AKAP13: variants seen among roughly 807,000 people sequenced by gnomAD.
The protein encoded by AKAP13 is A-kinase anchor protein 13.
AKAP13 carries 80 observed loss-of-function variants against 264.5 expected under a neutral mutation model. That is an observed-to-expected ratio of 0.30 (90% CI 0.25 to 0.36). The LOEUF (loss-of-function observed/expected upper bound fraction) is 0.36, where lower values mean the gene tolerates loss of function less well. AKAP13 is among the 10% of genes least tolerant of loss of function. The probability of loss-of-function intolerance (pLI) is 1.00; values close to 1 mark genes in which losing one functional copy is unlikely to be tolerated. For synonymous variants in AKAP13, 1,380 were observed against 1,250.2 expected (o/e 1.10, Z -2.19); for missense variants, 3,712 against 3,435.2 (o/e 1.08, Z -2.01).
At chr15:85,424,918 G>C (rs1263490116) in intron 1 of AKAP13, among the ~76,000 whole-genome samples, 2 of 152,230 alleles carry the variant, frequency 1.3e-5, no homozygotes, top group Non-Finnish European at 2.9e-5. Context: ...CAGCAAGTTG[G>C]TGGAGCAGTT....
chr15:85,635,297 C>T (rs1323147673), intron 8 of AKAP13, among the ~76,000 whole-genome samples: 1 of 152,138 alleles, frequency 6.6e-6, no homozygotes, highest in Non-Finnish European at 1.5e-5. Context: ...TTTTAATTTA[C>T]ATTTTCCTGT....
intron 4 of AKAP13, among the ~76,000 whole-genome samples, chr15:85,540,999 A>G (rs2077565411): frequency 6.6e-6 from 1 of 152,236 alleles, no homozygotes; most frequent in South Asian, 2.1e-4. Flanking sequence ...AATGTAGGTG[A>G]AAAATTCAGA....
chr15:85,555,706 G>A (rs894208720), intron 5 of AKAP13, among the ~76,000 whole-genome samples: 1 of 152,114 alleles, frequency 6.6e-6, no homozygotes, highest in Non-Finnish European at 1.5e-5. Context: ...GTTTTCTTGC[G>A]CATGCTAGGC....
Position 85,446,710 on chromosome 15 carries a change from C to CT in AKAP13, c.-11-38982dup, listed in dbSNP as rs67306030. Among the ~76,000 whole-genome samples, 596 of 124,396 alleles carry CT rather than the reference C, an allele frequency of 4.8e-3. 2 individuals are homozygous for CT. The highest frequency in any genetic ancestry group is 0.012 in the Middle Eastern group (3 of 258). 81.6% of individuals were successfully genotyped at this position (124,396 alleles called of 152,430 possible). On this transcript the variant is annotated intron_variant, in intron 1 of 36. Coordinates refer to ENST00000394518, the MANE Select transcript of AKAP13 (RefSeq NM_007200.5). ...TTGCCCAGCCCTTCTTTTTCTTTTT[C>CT]TTTTTTTTTTTTTTTTTTGAGACAG...
rs1299870382 is a variant in AKAP13 at position 85,661,406 on chromosome 15, T to C, written c.4799+2816T>C. Among the ~76,000 whole-genome samples the C allele has an allele frequency of 2.0e-5, 3 of 152,166 alleles. No individual in the cohort carries two copies. In the South Asian group the frequency reaches 6.2e-4, roughly 31 times the overall value. ...AAGATACATTTCTAACTCAGTGCCA[T>C]AGAATTCCTTTTTTTTAAATTTTTA... On this transcript the variant is annotated intron_variant, in intron 12 of 36. Transcript: ENST00000394518.
intron 1 of AKAP13, among the ~76,000 whole-genome samples, chr15:85,443,499 A>T (rs1010974332): frequency 1.3e-5 from 2 of 152,138 alleles, no homozygotes; most frequent in Non-Finnish European, 2.9e-5. Flanking sequence ...GTGTATCAGC[A>T]TTCCTTATTA....
rs545663094 is a variant in AKAP13, at chr15:85,717,973, C to A, written c.5849-34C>A. ...ATAGGCTTATTTTACAGGTCACAAA[C>A]CTGATTCTGATATTGATTTTTTGAT... On this transcript the variant is annotated intron_variant, in intron 21 of 36. Transcript: ENST00000394518. 40 of 1,604,952 alleles carry A rather than the reference C, an allele frequency of 2.5e-5. No individual in the cohort carries two copies. In the Admixed American group the frequency reaches 6.2e-4, roughly 25 times the overall value.
intron 11 of AKAP13, among the ~76,000 whole-genome samples, chr15:85,656,421 G>A (rs1345937130): frequency 6.6e-6 from 1 of 152,148 alleles, no homozygotes; most frequent in Non-Finnish European, 1.5e-5. Flanking sequence ...TTTGGAAGCA[G>A]GCTATATGAA....
rs184687508 is a variant in AKAP13 at position 85,592,755 on chromosome 15, G to A, written c.4161+6932G>A. ...GGAGAGTTTCCAGGAAATTATCAGC[G>A]GCTCCTAATACAAATTTTTAATACA... On this transcript the variant is annotated intron_variant, in intron 8 of 36. Transcript: ENST00000394518. 3.3e-4 allele frequency among the ~76,000 whole-genome samples: 50 copies of A among 152,078 alleles called. 1 individual carries two copies. The East Asian group carries it at 8.5e-3, about 26-fold the overall frequency.
At chr15:85,660,951 CAA>C (rs1363447763) in intron 12 of AKAP13, among the ~76,000 whole-genome samples, 1 of 152,144 alleles carries the variant, frequency 6.6e-6, no homozygotes, top group Non-Finnish European at 1.5e-5. Flanking sequence ...GACAACAAAA[CAA>C]AGTTATTAGA....
intron 5 of AKAP13, among the ~76,000 whole-genome samples, chr15:85,552,785 G>A (rs2078006133): frequency 6.6e-6 from 1 of 151,954 alleles, no homozygotes; most frequent in Admixed American, 6.6e-5. Flanking sequence ...GTGCCACCAT[G>A]CCCGGCTAAT....
chr15:85,403,781 C>T (rs1002617270), intron 1 of AKAP13, among the ~76,000 whole-genome samples: 2 of 149,666 alleles, frequency 1.3e-5, no homozygotes, highest in African/African-American at 2.5e-5. Flanking sequence ...GTGGTTCAAG[C>T]GATTCTCAGT....
At chr15:85,626,396 C>T (rs2081411954) in intron 8 of AKAP13, among the ~76,000 whole-genome samples, 1 of 152,196 alleles carries the variant, frequency 6.6e-6, no homozygotes, top group Non-Finnish European at 1.5e-5. Context: ...CCTGTTAAAA[C>T]ACTAACTTCC....
rs958679589 is a variant in AKAP13, at chr15:85,380,982, C to T, written c.-12+184C>T. On this transcript the variant is annotated intron_variant, in intron 1 of 36. Coordinates refer to ENST00000394518, the MANE Select transcript of AKAP13 (RefSeq NM_007200.5). ...GCCGGGCGGCGCCGGGACCTCAGGTCTGCGGACCCCTCCTCCCTGCGCATC... is the reference window on the plus strand; with the variant it reads ...GCCGGGCGGCGCCGGGACCTCAGGTTTGCGGACCCCTCCTCCCTGCGCATC... Among the ~76,000 whole-genome samples the T allele has an allele frequency of 3.3e-3, 500 of 152,214 alleles. 2 individuals are homozygous for T. The highest frequency in any genetic ancestry group is 4.9e-3 in the Non-Finnish European group (331 of 67,970).
intron 5 of AKAP13, 43 bp downstream of exon 5, chr15:85,543,998 C>T (rs1164236795): frequency 6.2e-7 from 1 of 1,604,748 alleles, no homozygotes; most frequent in Non-Finnish European, 8.5e-7. Flanking sequence ...TCATCCCCAG[C>T]CCCACCCCCG....
intron 29 of AKAP13, among the ~76,000 whole-genome samples, chr15:85,729,713 G>C (rs1177054779): frequency 6.6e-6 from 1 of 152,038 alleles, no homozygotes; most frequent in Non-Finnish European, 1.5e-5. Context: ...AAGGCGGGCA[G>C]ATCACCCAAG....
chr15:85,552,350 G>A (rs929477936), intron 5 of AKAP13, among the ~76,000 whole-genome samples: 14 of 152,198 alleles, frequency 9.2e-5, no homozygotes, highest in African/African-American at 3.4e-4. Flanking sequence ...GTTCTAGAAG[G>A]AATTTTGTGT....
chr15:85,430,353 T>C (rs973272611), intron 1 of AKAP13, among the ~76,000 whole-genome samples: 3 of 152,214 alleles, frequency 2.0e-5, no homozygotes, highest in African/African-American at 7.2e-5. Context: ...AAAATTTAGT[T>C]AGTTAACTTG....
chr15:85,424,431 T>A (rs966173348), intron 1 of AKAP13, among the ~76,000 whole-genome samples: 4 of 152,240 alleles, frequency 2.6e-5, no homozygotes, highest in African/African-American at 9.6e-5. Flanking sequence ...CTTGCTAGCT[T>A]TTCTTCTGCA....
Sources: gnomAD v4.1 joint callset for allele counts (sites outside exome capture counted in the v4.1 genomes callset) on GRCh38, gnomAD v4.1.1 for gene constraint, MANE v1.5 for transcripts, NCBI Gene and HGNC (gene_info 2026-07-23, HGNC 2026-07-21) for gene names.